The following ETNK1 variants were observed in gnomAD, a reference collection of about 807,000 sequenced individuals.
ETNK1 encodes the protein putative protein product of Nbla10396.
A neutral mutation model predicts 45.1 loss-of-function variants in ETNK1; 8 were observed. That is an observed-to-expected ratio of 0.18 (90% CI 0.10 to 0.32). The LOEUF is 0.32. Ranked by LOEUF, ETNK1 falls within the 10% of genes least tolerant of loss-of-function variation. ETNK1 has a pLI of 1.00. For missense variants in ETNK1, 302 were observed against 430.6 expected (o/e 0.70, Z 2.64); for synonymous variants, 152 against 151.9 (o/e 1.00, Z -0.01).
At chr12:22,684,781 T>C (rs1387863835) in intron 7 of ETNK1, 101 bp from the exon 8 acceptor site, 1 of 979,086 alleles carries the variant, frequency 1.0e-6, no homozygotes, top group African/African-American at 1.7e-5. Flanking sequence ...TTGAAAATCT[T>C]AAACTTTAAG....
chr12:22,645,555 C>T (rs1953797725), intron 2 of ETNK1, among the ~76,000 whole-genome samples: 1 of 151,522 alleles, frequency 6.6e-6, no homozygotes, highest in South Asian at 2.1e-4. Flanking sequence ...TTTATTTTTT[C>T]TCTACTTAGA....
In ETNK1 at chr12:22,634,345, T is replaced by C. The variant is rs1160633743; in HGVS notation, c.156+8759T>C. On this transcript the variant is annotated intron_variant, in intron 1 of 7. Coordinates refer to ENST00000266517, the MANE Select transcript of ETNK1 (RefSeq NM_018638.5). ...TTTATTACTGTATCAATTGCTAATA[T>C]TTTGATTAGGATTTTTGCAGCTCTG... is the stretch of plus-strand genomic sequence containing the variant. 2.6e-5 allele frequency among the ~76,000 whole-genome samples: 4 copies of C among 152,138 alleles called. No homozygotes were observed. The East Asian group carries it at 7.7e-4, about 29-fold the overall frequency.
intron 2 of ETNK1, chr12:22,644,374 CAG>C: frequency 7.1e-7 from 1 of 1,403,342 alleles, no homozygotes; most frequent in Non-Finnish European, 9.4e-7. Context: ...TTCATGTTTT[CAG>C]AGTTCTTGCC....
intron 1 of ETNK1, among the ~76,000 whole-genome samples, chr12:22,638,174 G>A (rs1329309423): frequency 2.0e-5 from 3 of 152,002 alleles, no homozygotes; most frequent in South Asian, 2.1e-4. Context: ...GGGATACATG[G>A]CCACATAATC....
intron 2 of ETNK1, among the ~76,000 whole-genome samples, chr12:22,652,661 A>C (rs1410759061): frequency 6.6e-6 from 1 of 152,158 alleles, no homozygotes; most frequent in Non-Finnish European, 1.5e-5. Context: ...CACCTATTCA[A>C]GTCCTTTGCC....
At chr12:22,670,041 A>G (rs1426396530) in intron 4 of ETNK1, among the ~76,000 whole-genome samples, 3 of 152,140 alleles carry the variant, frequency 2.0e-5, no homozygotes, top group Non-Finnish European at 2.9e-5. Context: ...TATGTAAAAC[A>G]CTATTTGCCA....
chr12:22,682,176 A>C (rs959487750), intron 6 of ETNK1: 1 of 250,886 alleles, frequency 4.0e-6, no homozygotes, highest in South Asian at 4.1e-5. Flanking sequence ...AAGATCACAT[A>C]TGTTGATATC....
In ETNK1 at chr12:22,684,864, G is replaced by T; in HGVS notation, c.1020-18G>T. On this transcript the variant is annotated intron_variant, in intron 7 of 7. Coordinates refer to ENST00000266517, the MANE Select transcript of ETNK1 (RefSeq NM_018638.5). ...TTCAGCTTTGACTAATTTTTTTGTT[G>T]TTCTCTTTTCTCACTAGGTATGCAA... 2 of 1,586,250 alleles carry T rather than the reference G, an allele frequency of 1.3e-6. No individual in the cohort carries two copies. Among genetic ancestry groups the T allele is most frequent in the South Asian group, 1.2e-5 (1 of 86,266 alleles).
chr12:22,648,269 A>T (rs1423513958), intron 2 of ETNK1, among the ~76,000 whole-genome samples: 1 of 151,950 alleles, frequency 6.6e-6, no homozygotes, highest in Admixed American at 6.6e-5. Flanking sequence ...GGTGATGTAC[A>T]TTCTGTGGGT....
At position 22,670,932 on chromosome 12, in the gene ETNK1, C is replaced by T. The variant is rs563460051; in HGVS notation, c.701-340C>T. Among the ~76,000 whole-genome samples the T allele has an allele frequency of 2.2e-4, 33 of 152,240 alleles. 2 individuals carry two copies. In the South Asian group the frequency reaches 3.5e-3, roughly 16 times the overall value. On this transcript the variant is annotated intron_variant, in intron 4 of 7. Transcript: ENST00000266517. ...ATTTCCAAAGATAAAAATTATGTTT[C>T]TAATTAAACTTGAATTTTTAAGTAA...
At chr12:22,643,704 C>T (rs894338236) in intron 1 of ETNK1, 59 bp from the exon 2 acceptor site, 4 of 1,403,730 alleles carry the variant, frequency 2.8e-6, no homozygotes, top group African/African-American at 1.4e-5. Context: ...AATTTATCTC[C>T]TGTTCTCTAA....
intron 2 of ETNK1, chr12:22,656,830 C>T (rs767428858): frequency 1.2e-4 from 121 of 974,940 alleles, no homozygotes; most frequent in African/African-American, 2.1e-4. Flanking sequence ...ATATCTGTGA[C>T]GCCCTCCTAA....
chr12:22,651,914 G>A, intron 2 of ETNK1, among the ~76,000 whole-genome samples: 1 of 152,048 alleles, frequency 6.6e-6, no homozygotes, highest in East Asian at 1.9e-4. Context: ...TCGAACTCCA[G>A]ACCTCAGGTG....
rs1953472495 is a variant in ETNK1, at chr12:22,625,308, G to C, written c.-123G>C. The C allele has an allele frequency of 2.5e-6, 4 of 1,604,370 alleles. No individual in the cohort carries two copies. In the South Asian group the frequency reaches 4.4e-5, roughly 18 times the overall value. On this transcript the variant is annotated 5_prime_UTR_variant, in exon 1 of 8. Transcript: ENST00000266517. ...TCCTGCCGCTCGCCCGCCCGTCCCA[G>C]CGCCCCCAGCCCTCCCGCGAGGGCG...
chr12:22,626,842 A>G (rs1319132220), intron 1 of ETNK1, among the ~76,000 whole-genome samples: 1 of 152,228 alleles, frequency 6.6e-6, no homozygotes, highest in Non-Finnish European at 1.5e-5. Context: ...TATGTCATTT[A>G]AAAAATATAT....
chr12:22,672,135 C>T (rs1954115424), intron 5 of ETNK1, among the ~76,000 whole-genome samples: 1 of 151,862 alleles, frequency 6.6e-6, no homozygotes, highest in African/African-American at 2.4e-5. Flanking sequence ...GTTCAATAAC[C>T]TTTTTTGACT....
At chr12:22,636,978 C>T (rs1227483354) in intron 1 of ETNK1, among the ~76,000 whole-genome samples, 4 of 152,132 alleles carry the variant, frequency 2.6e-5, no homozygotes, top group Non-Finnish European at 4.4e-5. Flanking sequence ...GATCCTGCAC[C>T]GAATCCCCCT....
intron 6 of ETNK1, among the ~76,000 whole-genome samples, chr12:22,681,103 T>C (rs1165481180): frequency 6.6e-6 from 1 of 152,062 alleles, no homozygotes; most frequent in Non-Finnish European, 1.5e-5. Context: ...ACTTGTATTT[T>C]GGGGGGATGC....
intron 6 of ETNK1, 147 bp from the exon 7 acceptor site, chr12:22,684,336 G>A (rs1954240547): frequency 3.3e-6 from 2 of 599,186 alleles, no homozygotes; most frequent in Non-Finnish European, 5.8e-6. Context: ...ACGTCAGTAG[G>A]ATCTAGGTTT....
Sources: allele counts gnomAD v4.1 joint callset (sites outside exome capture counted in the v4.1 genomes callset), GRCh38; gene constraint gnomAD v4.1.1; transcripts MANE v1.5; gene names NCBI Gene and HGNC (gene_info 2026-07-23, HGNC 2026-07-21).